Variants in NSFL1C observed in about 807,000 individuals in gnomAD.
NSFL1C encodes NSFL1 cofactor.
A neutral mutation model predicts 43.1 loss-of-function variants in NSFL1C; 14 were observed. The observed-to-expected ratio is 0.32, with a 90% confidence interval of 0.21 to 0.51. The LOEUF is 0.51. NSFL1C is among the 20% of genes least tolerant of loss of function. The pLI, the probability that NSFL1C is intolerant of heterozygous loss-of-function variation, is 0.98. For synonymous variants in NSFL1C, 171 were observed against 183.5 expected, an observed-to-expected ratio of 0.93 and a Z score of 0.55; for missense variants, 406 against 472.5, an observed-to-expected ratio of 0.86 and a Z score of 1.30.
chr20:1,446,538 T>A (rs2122812518), intron 7 of NSFL1C, among the ~76,000 whole-genome samples: 1 of 152,346 alleles, frequency 6.6e-6, no homozygotes, highest in Admixed American at 6.5e-5. Flanking sequence ...GACCAGGGTT[T>A]GAATTACTCA....
At chr20:1,446,130 A>G (rs1013178374) in intron 7 of NSFL1C, 2 of 492,270 alleles carry the variant, frequency 4.1e-6, no homozygotes, top group African/African-American at 2.0e-5. Flanking sequence ...AAGGGCTTGA[A>G]GGGAGGAAAG....
At position 1,443,533 on chromosome 20, in the gene NSFL1C, T is replaced by A; in HGVS notation, c.*216A>T. ...CAATTTTTTTGGTTGTTTTTATTTT[T>A]TTTTTCATTAAAGTCCATTGATCAT... On this transcript the variant is annotated 3_prime_UTR_variant, in exon 9 of 9. Coordinates refer to ENST00000216879, the MANE Select transcript of NSFL1C (RefSeq NM_016143.5). The A allele has an allele frequency of 6.9e-6, 3 of 437,506 alleles. No individual in the cohort carries two copies. Among genetic ancestry groups the A allele is most frequent in the Admixed American group, 3.7e-5 (1 of 26,728 alleles). 27.1% of individuals were successfully genotyped at this position (437,506 alleles called of 1,614,324 possible).
At chr20:1,452,730 T>C in intron 6 of NSFL1C, 100 bp from the exon 7 acceptor site, 1 of 1,448,152 alleles carries the variant, frequency 6.9e-7, no homozygotes, top group Admixed American at 2.0e-5. Context: ...TGGTGAAAAA[T>C]CGCTGGGCCT....
At chr20:1,455,993 A>G (rs570422450) in intron 3 of NSFL1C, 14 of 498,176 alleles carry the variant, frequency 2.8e-5, no homozygotes, top group Non-Finnish European at 5.1e-5. Flanking sequence ...ACTTTTTTAT[A>G]TGGGCCTGAA....
chr20:1,452,486 C>T lies in NSFL1C; in HGVS notation c.785+7G>A. ...AGAGTCTGGCTCTAACCTGTGCTGC[C>T]CCTTACCTGCCCAGTTTCTGACCCT... On this transcript the variant is annotated splice_region_variant and intron_variant, in intron 7 of 8. Transcript: ENST00000216879. 2.5e-6 allele frequency: 4 copies of T among 1,613,886 alleles called. No individual in the cohort carries two copies. The highest frequency in any genetic ancestry group is 3.4e-6 in the Non-Finnish European group (4 of 1,179,838).
chr20:1,462,090 G>A (rs1041112993), intron 2 of NSFL1C, among the ~76,000 whole-genome samples: 1 of 152,084 alleles, frequency 6.6e-6, no homozygotes, highest in South Asian at 2.1e-4. Context: ...TAGGGTTCTC[G>A]GGCTCCATAT....
chr20:1,462,988 T>C (rs1201346362), intron 2 of NSFL1C, among the ~76,000 whole-genome samples: 1 of 152,216 alleles, frequency 6.6e-6, no homozygotes, highest in Non-Finnish European at 1.5e-5. Flanking sequence ...TCCCATGTGG[T>C]AGGCACTATC....
intron 4 of NSFL1C, 110 bp downstream of exon 4, chr20:1,454,857 T>C: frequency 8.7e-7 from 1 of 1,149,540 alleles, no homozygotes; most frequent in Non-Finnish European, 1.3e-6. Flanking sequence ...GAAGACCAAG[T>C]AAGCAAATGA....
chr20:1,461,190 A>C (rs2090403947), intron 2 of NSFL1C, among the ~76,000 whole-genome samples: 1 of 152,208 alleles, frequency 6.6e-6, no homozygotes, highest in Non-Finnish European at 1.5e-5. Flanking sequence ...AGGAATTTAC[A>C]ATTTACTTGG....
intron 5 of NSFL1C, 121 bp downstream of exon 5, chr20:1,454,092 A>G: frequency 1.3e-6 from 1 of 749,392 alleles, no homozygotes; most frequent in South Asian, 1.7e-5. Context: ...CAGCAAGGGC[A>G]CTGTCTCTGT....
intron 1 of NSFL1C, among the ~76,000 whole-genome samples, chr20:1,466,144 T>C (rs544488574): frequency 1.3e-5 from 2 of 152,330 alleles, no homozygotes; most frequent in Non-Finnish European, 2.9e-5. Flanking sequence ...TAGCAAGTAT[T>C]TAGTGAATAC....
rs947768769 is a variant in NSFL1C at position 1,446,791 on chromosome 20, T to C, written c.786-961A>G. Among the ~76,000 whole-genome samples, 5 of 152,268 alleles carry C rather than the reference T, an allele frequency of 3.3e-5. No homozygotes were observed. In the East Asian group the frequency reaches 7.7e-4, roughly 24 times the overall value. On this transcript the variant is annotated intron_variant, in intron 7 of 8. Transcript: ENST00000216879. ...TTAGCAGATGACCTGACTTAGACCT[T>C]TGCAAAGAAGAAAGGCCACTAGATG...
intron 1 of NSFL1C, among the ~76,000 whole-genome samples, chr20:1,464,837 C>T (rs1451966874): frequency 6.6e-6 from 1 of 152,080 alleles, no homozygotes; most frequent in Non-Finnish European, 1.5e-5. Flanking sequence ...TACAGAAGCA[C>T]TGAGGATTAA....
chr20:1,458,402 G>A (rs1183887336), intron 2 of NSFL1C, 128 bp from the exon 3 acceptor site: 2 of 689,694 alleles, frequency 2.9e-6, no homozygotes, highest in African/African-American at 3.5e-5. Context: ...ACGTTATGTG[G>A]AGAAAGGTTA....
chr20:1,448,720 C>A (rs1474326893), intron 7 of NSFL1C, among the ~76,000 whole-genome samples: 1 of 152,130 alleles, frequency 6.6e-6, no homozygotes, highest in Non-Finnish European at 1.5e-5. Flanking sequence ...GCTTAACCCC[C>A]AGCCTATGAG....
rs935602537 is a variant in NSFL1C, at chr20:1,464,706, T to C, written c.106-280A>G. Among the ~76,000 whole-genome samples the C allele has an allele frequency of 2.0e-5, 3 of 152,240 alleles. No homozygotes were observed. The South Asian group carries it at 6.2e-4, about 31-fold the overall frequency. On this transcript the variant is annotated intron_variant, in intron 1 of 8. Transcript: ENST00000216879. ...ATGAAGAAACGTGATCTAGTAAAAG[T>C]AGCACACATTTAGTGAGCATTTACA...
At chr20:1,458,347 G>A (rs947220067) in intron 2 of NSFL1C, 73 bp from the exon 3 acceptor site, 6 of 1,278,984 alleles carry the variant, frequency 4.7e-6, no homozygotes, top group Non-Finnish European at 6.8e-6. Flanking sequence ...CAGCTGCTAA[G>A]GAGGTGAAGA....
chr20:1,464,171 A>C, intron 2 of NSFL1C, 158 bp downstream of exon 2: 1 of 652,062 alleles, frequency 1.5e-6, no homozygotes, highest in Non-Finnish European at 2.7e-6. Flanking sequence ...CTGTATAGGA[A>C]ATGACTGAGG....
In NSFL1C at chr20:1,442,570, C is replaced by A. The variant is rs180695708; in HGVS notation, c.*1179G>T. On this transcript the variant is annotated 3_prime_UTR_variant, in exon 9 of 9. Coordinates refer to ENST00000216879, the MANE Select transcript of NSFL1C (RefSeq NM_016143.5). ...TACGGGAAAGGGTTCCATCCAAGAG[C>A]CCAATAGGCCTCCTCTCCCAAACCT... 6.6e-6 allele frequency: 1 copy of A among 152,202 alleles called. No individual in the cohort carries two copies. Among genetic ancestry groups the A allele is most frequent in the Non-Finnish European group, 1.5e-5 (1 of 68,050 alleles). 9.4% of individuals were successfully genotyped at this position (152,202 alleles called of 1,614,324 possible).
Sources: allele counts gnomAD v4.1 joint callset (sites outside exome capture counted in the v4.1 genomes callset), GRCh38; gene constraint gnomAD v4.1.1; transcripts MANE v1.5; gene names NCBI Gene and HGNC (gene_info 2026-07-23, HGNC 2026-07-21).